Variants in LYAR observed in about 807,000 individuals in gnomAD.
LYAR encodes cell growth-regulating nucleolar protein.
A neutral mutation model predicts 45.2 loss-of-function variants in LYAR; 37 were observed. That is an observed-to-expected ratio of 0.82 (90% CI 0.63 to 1.08). The LOEUF (loss-of-function observed/expected upper bound fraction) is 1.08, where lower values mean the gene tolerates loss of function less well. Among genes scored for constraint, LYAR ranks in the 50% least tolerant of loss-of-function variants. LYAR has a pLI of 0.00. For synonymous variants in LYAR, 176 were observed against 155.1 expected (o/e 1.14, Z -1.00); for missense variants, 493 against 451.0 (o/e 1.09, Z -0.84).
intron 7 of LYAR, 136 bp downstream of exon 7, chr4:4,274,231 C>T (rs527329590): frequency 1.8e-4 from 178 of 1,004,786 alleles, no homozygotes; most frequent in Middle Eastern, 2.4e-4. Context: ...AGCAAGACTC[C>T]GTCTCAAAAA....
intron 8 of LYAR, among the ~76,000 whole-genome samples, chr4:4,271,161 C>T (rs555145294): frequency 6.6e-6 from 1 of 152,222 alleles, no homozygotes; most frequent in South Asian, 2.1e-4. Context: ...CCCACAGCCT[C>T]CCACCACCCT....
At chr4:4,274,260 CCACA>C in intron 7 of LYAR, 103 bp downstream of exon 7, 1 of 1,214,476 alleles carries the variant, frequency 8.2e-7, no homozygotes, top group African/African-American at 1.5e-5. Flanking sequence ...AAAAAAAAAA[CCACA>C]CACACACGCA....
chr4:4,273,018 G>T (rs1719004232), intron 8 of LYAR, among the ~76,000 whole-genome samples: 1 of 152,202 alleles, frequency 6.6e-6, no homozygotes, highest in South Asian at 2.1e-4. Context: ...TTCTGAGGTT[G>T]AGGATACAAG....
intron 6 of LYAR, 121 bp downstream of exon 6, chr4:4,279,326 C>T (rs546940971): frequency 9.1e-5 from 62 of 684,262 alleles, no homozygotes; most frequent in African/African-American, 8.5e-4. Flanking sequence ...AGTAAGACTC[C>T]ATCTCAAAAA....
At chr4:4,282,435 C>A (rs748556535) in intron 3 of LYAR, among the ~76,000 whole-genome samples, 2 of 152,132 alleles carry the variant, frequency 1.3e-5, no homozygotes, top group Admixed American at 6.5e-5. Flanking sequence ...GGGACAAGGT[C>A]CAGGGCAAAG....
At chr4:4,273,515 A>T in intron 8 of LYAR, 68 bp downstream of exon 8, 1 of 1,152,166 alleles carries the variant, frequency 8.7e-7, no homozygotes, top group South Asian at 1.3e-5. Flanking sequence ...CTGCCTCTGA[A>T]GTAGCTGGGA....
intron 6 of LYAR, among the ~76,000 whole-genome samples, chr4:4,275,300 A>G (rs538149249): frequency 3.3e-5 from 5 of 152,214 alleles, no homozygotes; most frequent in Non-Finnish European, 7.3e-5. Flanking sequence ...GCTTATTAGC[A>G]TAACACATGC....
intron 6 of LYAR, among the ~76,000 whole-genome samples, chr4:4,278,846 A>G (rs953752495): frequency 1.3e-5 from 2 of 152,212 alleles, no homozygotes. Flanking sequence ...AGAAATCCAA[A>G]GCTCCTGTTC....
At chr4:4,271,334 A>G (rs1418313878) in intron 8 of LYAR, among the ~76,000 whole-genome samples, 1 of 152,352 alleles carries the variant, frequency 6.6e-6, no homozygotes, top group East Asian at 1.9e-4. Flanking sequence ...ACGTTGCTGC[A>G]AACGACAGGA....
At chr4:4,270,718 C>G (rs2108837226) in intron 8 of LYAR, among the ~76,000 whole-genome samples, 1 of 152,240 alleles carries the variant, frequency 6.6e-6, no homozygotes, top group Admixed American at 6.5e-5. Flanking sequence ...AAATTCAAAC[C>G]ACAATGAGCG....
intron 2 of LYAR, among the ~76,000 whole-genome samples, chr4:4,283,999 G>A (rs915214339): frequency 1.2e-4 from 18 of 152,176 alleles, no homozygotes; most frequent in Non-Finnish European, 2.4e-4. Context: ...TCCTTACCAC[G>A]TGCCAGGCAC....
intron 2 of LYAR, 125 bp from the exon 3 acceptor site, chr4:4,283,920 T>G (rs1445294041): frequency 3.9e-5 from 21 of 539,786 alleles, no homozygotes; most frequent in Middle Eastern, 1.0e-3. Context: ...ATTAGCAATC[T>G]ACATAAAATT....
chr4:4,270,676 G>A (rs1718898384), intron 8 of LYAR, among the ~76,000 whole-genome samples: 1 of 152,076 alleles, frequency 6.6e-6, no homozygotes, highest in East Asian at 1.9e-4. Flanking sequence ...ACAGAAGAAG[G>A]TGCTCAACAA....
chr4:4,275,439 C>CTTT (rs11457102), intron 6 of LYAR, among the ~76,000 whole-genome samples: 2 of 143,962 alleles, frequency 1.4e-5, no homozygotes, highest in African/African-American at 2.6e-5. Context: ...TCTCATCATT[C>CTTT]TTTTTTTTTT....
rs1395077193 is a variant in LYAR, at chr4:4,274,644, C to T, written c.555G>A (p.Lys185=). 6 of 1,613,870 alleles carry T rather than the reference C, an allele frequency of 3.7e-6. No homozygotes were observed. In the African/African-American group the frequency reaches 8.0e-5, roughly 22 times the overall value. ...KDAVEQQGEV[K]KNKRERKEER... Reference sequence around the variant, plus strand: ...CTTCCTTTCTTTCTCTTTTATTCTTCTTCACCTCCCCTTGCTGTTCCACGG... The same window carrying T: ...CTTCCTTTCTTTCTCTTTTATTCTTTTTCACCTCCCCTTGCTGTTCCACGG... Residue 185 remains lysine (K), a synonymous_variant, in exon 7 of 10, where the codon AAG becomes AAA. Transcript: ENST00000343470.
chr4:4,279,351 A>C (rs1719306687), intron 6 of LYAR, 96 bp downstream of exon 6: 4 of 839,804 alleles, frequency 4.8e-6, no homozygotes, highest in Non-Finnish European at 7.6e-6. Context: ...AAAATAAAAA[A>C]GAAGGCTGCC....
intron 9 of LYAR, among the ~76,000 whole-genome samples, chr4:4,268,243 A>G (rs977687430): frequency 2.0e-5 from 3 of 152,168 alleles, no homozygotes; most frequent in Non-Finnish European, 4.4e-5. Context: ...AAGGAGAAGA[A>G]ACCACTGCTC....
intron 8 of LYAR, 123 bp downstream of exon 8, chr4:4,273,460 C>T: frequency 1.5e-6 from 1 of 667,002 alleles, no homozygotes; most frequent in Non-Finnish European, 2.7e-6. Context: ...ACGCCCATGG[C>T]TCACTACAGC....
chr4:4,283,545 C>T, intron 3 of LYAR, 76 bp downstream of exon 3: 1 of 1,486,628 alleles, frequency 6.7e-7, no homozygotes, highest in Non-Finnish European at 9.1e-7. Flanking sequence ...CACTATTTTT[C>T]CAAGCTTTGT....
Sources: gnomAD v4.1 joint callset for allele counts (sites outside exome capture counted in the v4.1 genomes callset) on GRCh38, gnomAD v4.1.1 for gene constraint, MANE v1.5 for transcripts, NCBI Gene and HGNC (gene_info 2026-07-23, HGNC 2026-07-21) for gene names.